The following TRA2A variants were observed in gnomAD, a reference collection of about 807,000 sequenced individuals.
The protein encoded by TRA2A is transformer 2 alpha homolog, also known as transformer-2 protein homolog alpha.
Under a neutral mutation model 45.7 loss-of-function variants are expected in TRA2A, and 31 were observed. That is an observed-to-expected ratio of 0.68 (90% CI 0.51 to 0.92). TRA2A has a LOEUF of 0.92. Ranked by LOEUF, TRA2A falls within the 40% of genes least tolerant of loss-of-function variation. The pLI is 0.00. For missense variants in TRA2A, 304 were observed against 367.5 expected (o/e 0.83, Z 1.41); for synonymous variants, 132 against 126.2 (o/e 1.05, Z -0.31).
chr7:23,515,439 G>T (rs376971067), intron 3 of TRA2A, among the ~76,000 whole-genome samples: 1 of 151,670 alleles, frequency 6.6e-6, no homozygotes, highest in South Asian at 2.1e-4. Context: ...CCGTGGTCTC[G>T]ATCTCCTGAC....
intron 1 of TRA2A, among the ~76,000 whole-genome samples, chr7:23,527,027 T>C (rs937597837): frequency 1.3e-5 from 2 of 152,170 alleles, no homozygotes; most frequent in Non-Finnish European, 2.9e-5. Context: ...TTATATATCC[T>C]GATCAATTGT....
chr7:23,505,528 A>AG lies in TRA2A; in HGVS notation c.*30_*31insC. 2.0e-6 allele frequency: 1 copy of AG among 504,034 alleles called. No individual in the cohort carries two copies. Among genetic ancestry groups the AG allele is most frequent in the African/African-American group, 2.0e-5 (1 of 48,826 alleles). 31.2% of individuals were successfully genotyped at this position (504,034 alleles called of 1,614,324 possible). A position where few individuals can be genotyped will look rare whatever the true frequency, so the allele number is the denominator to read the frequency against. ...AAAAAAAAAAAAAAAAAAGAGGAAAAAAAATGTCCTTAATTGCAACCATTC... is the reference window on the plus strand; with the variant it reads ...AAAAAAAAAAAAAAAAAAGAGGAAAAGAAAATGTCCTTAATTGCAACCATTC... On this transcript the variant is annotated 3_prime_UTR_variant, in exon 8 of 8. Coordinates refer to ENST00000297071, the MANE Select transcript of TRA2A (RefSeq NM_013293.5).
intron 1 of TRA2A, among the ~76,000 whole-genome samples, chr7:23,529,282 T>C (rs1355420496): frequency 6.6e-6 from 1 of 152,194 alleles, no homozygotes; most frequent in Non-Finnish European, 1.5e-5. Flanking sequence ...GACCTACGTA[T>C]TTACTTATTT....
intron 4 of TRA2A, among the ~76,000 whole-genome samples, chr7:23,509,515 C>A (rs1049323431): frequency 6.6e-6 from 1 of 151,914 alleles, no homozygotes; most frequent in Non-Finnish European, 1.5e-5. Flanking sequence ...ATGGGGGGAT[C>A]ATGAGGTATC....
At chr7:23,531,364 G>A (rs1478211487) in intron 1 of TRA2A, 2 of 474,810 alleles carry the variant, frequency 4.2e-6, no homozygotes, top group South Asian at 7.5e-5. Context: ...TCGATCCCGA[G>A]ACCCTCTACG....
intron 4 of TRA2A, among the ~76,000 whole-genome samples, chr7:23,510,245 T>C (rs1028629073): frequency 6.6e-6 from 1 of 152,138 alleles, no homozygotes; most frequent in Non-Finnish European, 1.5e-5. Flanking sequence ...AAGTAACATA[T>C]TGTCACCTAG....
Position 23,531,792 on chromosome 7 carries a change from G to A in TRA2A, c.33C>T (p.Gly11=). 6.2e-7 allele frequency: 1 copy of A among 1,613,576 alleles called. No individual in the cohort carries two copies. The highest frequency in any genetic ancestry group is 1.1e-5 in the South Asian group (1 of 91,090). The change falls in exon 1 of 8, where the codon GGC becomes GGT. Residue 11 remains glycine (G), a synonymous_variant. Coordinates refer to ENST00000297071, the MANE Select transcript of TRA2A (RefSeq NM_013293.5). MSDVEENNFE[G]RESRSQSKSP... ...GCTCCCGCGGCTTTGTACTCACTCTGCCCTCGAAGTTGTTTTCCTCCACAT... is the reference window on the plus strand; with the variant it reads ...GCTCCCGCGGCTTTGTACTCACTCTACCCTCGAAGTTGTTTTCCTCCACAT...
intron 1 of TRA2A, among the ~76,000 whole-genome samples, chr7:23,527,879 A>T (rs1790403740): frequency 1.3e-5 from 2 of 152,214 alleles, no homozygotes; most frequent in African/African-American, 4.8e-5. Context: ...CAGTGAAAGA[A>T]CCTCAAATAT....
intron 3 of TRA2A, among the ~76,000 whole-genome samples, chr7:23,515,043 A>T (rs565714031): frequency 2.0e-5 from 3 of 152,122 alleles, no homozygotes; most frequent in African/African-American, 7.2e-5. Flanking sequence ...TTTATATATA[A>T]CATAACTTGC....
chr7:23,525,816 G>C (rs988885859), intron 1 of TRA2A, among the ~76,000 whole-genome samples: 2 of 152,018 alleles, frequency 1.3e-5, no homozygotes, highest in African/African-American at 4.8e-5. Context: ...GGCTGGCCTC[G>C]AACTCCTGAC....
At chr7:23,515,879 A>T (rs1414004935) in intron 3 of TRA2A, among the ~76,000 whole-genome samples, 1 of 151,804 alleles carries the variant, frequency 6.6e-6, no homozygotes, top group Non-Finnish European at 1.5e-5. Context: ...TCATGAAAAG[A>T]AAAATATACT....
chr7:23,517,204 C>T (rs1019717837), intron 2 of TRA2A, among the ~76,000 whole-genome samples: 5 of 151,722 alleles, frequency 3.3e-5, no homozygotes, highest in Admixed American at 6.6e-5. Context: ...CACTTGGGGC[C>T]GGGCACGGTG....
intron 2 of TRA2A, among the ~76,000 whole-genome samples, chr7:23,520,606 A>C (rs1253042298): frequency 6.6e-6 from 1 of 152,008 alleles, no homozygotes; most frequent in Non-Finnish European, 1.5e-5. Flanking sequence ...TTGCAAGTAG[A>C]CTATTCAAAG....
chr7:23,516,433 G>C lies in TRA2A; in HGVS notation c.266C>G (p.Pro89Arg), dbSNP rs755376040. 1 of 1,614,210 alleles carries C rather than the reference G, an allele frequency of 6.2e-7. No individual in the cohort carries two copies. Among genetic ancestry groups the C allele is most frequent in the Admixed American group, 1.7e-5 (1 of 60,026 alleles). Reference protein sequence around the residue: ...RRRSRSRSYTPEYRRRRSRSH... With the variant: ...RRRSRSRSYTREYRRRRSRSH... Reference sequence around the variant, plus strand: ...TCGGCTCCTTCGCCGCCGGTATTCTGGTGTATATGATCTACTTCGAGATCG... The same window carrying C: ...TCGGCTCCTTCGCCGCCGGTATTCTCGTGTATATGATCTACTTCGAGATCG... Residue 89 changes from proline to arginine, a missense_variant, in exon 3 of 8, where the codon CCA becomes CGA. Physicochemically the swap from Pro to Arg is moderately radical, Grantham distance 103. Transcript: ENST00000297071.
rs1380544478 is a variant in TRA2A at position 23,531,858 on chromosome 7, A to T, written c.-34T>A. ...GGCGCTCCCCAGAACTAAATAAGAG[A>T]CAAGTCTCGGCTCGAGGGCCGATGG... On this transcript the variant is annotated 5_prime_UTR_variant, in exon 1 of 8. Transcript: ENST00000297071. The T allele has an allele frequency of 6.2e-7, 1 of 1,613,154 alleles. No individual in the cohort carries two copies. The highest frequency in any genetic ancestry group is 8.5e-7 in the Non-Finnish European group (1 of 1,179,828).
chr7:23,529,931 G>C (rs1424173017), intron 1 of TRA2A, among the ~76,000 whole-genome samples: 3 of 145,848 alleles, frequency 2.1e-5, no homozygotes, highest in Non-Finnish European at 3.0e-5. Context: ...TACTTTCTTA[G>C]GAGGGAAAAG....
intron 2 of TRA2A, among the ~76,000 whole-genome samples, chr7:23,517,344 T>C (rs571705189): frequency 8.2e-4 from 123 of 150,426 alleles, no homozygotes; most frequent in Non-Finnish European, 1.6e-3. Flanking sequence ...CTGGGCATGG[T>C]GGCGGGCACC....
Position 23,506,267 on chromosome 7 carries a change from C to A in TRA2A, c.642-1G>T, listed in dbSNP as rs1238418339. 1.3e-6 allele frequency: 2 copies of A among 1,593,300 alleles called. No individual in the cohort carries two copies. Among genetic ancestry groups the A allele is most frequent in the East Asian group, 2.2e-5 (1 of 44,712 alleles). The stretch of plus-strand genomic sequence containing the variant: ...GCCTCCTCCACCACCCCCACCACTA[C>A]TGCAGAAAAATGTAAAAATTCTCCA... On this transcript the variant is annotated splice_acceptor_variant, in intron 5 of 7. Coordinates refer to ENST00000297071, the MANE Select transcript of TRA2A (RefSeq NM_013293.5). LOFTEE classifies it high-confidence loss of function.
chr7:23,504,822 C>CAT lies in TRA2A; in HGVS notation c.*735_*736dup, dbSNP rs1241147828. The CAT allele has an allele frequency of 6.6e-6, 1 of 152,568 alleles. No homozygotes were observed. Among genetic ancestry groups the CAT allele is most frequent in the African/African-American group, 2.4e-5 (1 of 41,438 alleles). The allele number at this position is 152,568 out of a possible 1,614,324, so 9.5% of individuals were successfully genotyped here. On this transcript the variant is annotated 3_prime_UTR_variant, in exon 8 of 8. Coordinates refer to ENST00000297071, the MANE Select transcript of TRA2A (RefSeq NM_013293.5). ...TTTTATTTGAGACTACTTTTCCCCA[C>CAT]ATGTATCTTTTAAGAATTCTATGCT...
Sources: allele counts gnomAD v4.1 joint callset (sites outside exome capture counted in the v4.1 genomes callset), GRCh38; gene constraint gnomAD v4.1.1; transcripts MANE v1.5; gene names NCBI Gene and HGNC (gene_info 2026-07-23, HGNC 2026-07-21).